SLC25A24: variants seen among roughly 807,000 people sequenced by gnomAD.
SLC25A24 encodes the protein solute carrier family 25 member 24.
A neutral mutation model predicts 60.7 loss-of-function variants in SLC25A24; 49 were observed. The observed-to-expected ratio is 0.81, with a 90% CI of 0.64 to 1.02. The LOEUF (loss-of-function observed/expected upper bound fraction) is 1.02. SLC25A24 is among the 50% of genes least tolerant of loss of function. The pLI is 0.00. For missense variants in SLC25A24, 564 were observed against 586.3 expected (o/e 0.96, Z 0.39); for synonymous variants, 202 against 200.6 (o/e 1.01, Z -0.06).
In SLC25A24 at chr1:108,139,157, C is replaced by T. The variant is rs1377434715; in HGVS notation, c.1150G>A (p.Gly384Arg). ...CCGCATCCCAGCAACACCATGACTC[C>T]AGGGTTTACAGAATCTTTTGCAAAA... ...DNFAKDSVNP[G>R]VMVLLGCGAL... The change falls in exon 9 of 10, where the codon GGA (glycine) becomes AGA (arginine). Residue 384 changes from glycine (G) to arginine (R), a missense_variant. By Grantham distance (125) the Gly-to-Arg change is moderately radical. Transcript: ENST00000565488. The T allele has an allele frequency of 3.1e-6, 5 of 1,609,846 alleles. No individual in the cohort carries two copies. The highest frequency in any genetic ancestry group is 4.2e-6 in the Non-Finnish European group (5 of 1,178,172).
intron 3 of SLC25A24, among the ~76,000 whole-genome samples, chr1:108,169,140 C>T (rs537733340): frequency 6.6e-6 from 1 of 152,280 alleles, no homozygotes; most frequent in South Asian, 2.1e-4. Context: ...GGGTCTGTTT[C>T]TGGGCTCTCT....
In SLC25A24 at chr1:108,148,509, A is replaced by G. The variant is rs574144934; in HGVS notation, c.823-123T>C. 27 of 650,474 alleles carry G rather than the reference A, an allele frequency of 4.2e-5. No homozygotes were observed. The African/African-American group carries it at 4.5e-4, about 11-fold the overall frequency. The allele number at this position is 650,474 out of a possible 1,614,324, so 40.3% of individuals were successfully genotyped here. On this transcript the variant is annotated intron_variant, in intron 6 of 9. Coordinates refer to ENST00000565488, the MANE Select transcript of SLC25A24 (RefSeq NM_013386.5). Reference sequence around the variant, plus strand: ...TGGTATTAGGAGATGAGGCTTCTGGAGGTAATTAGGGTTATGAGGTCATGA... The same window carrying G: ...TGGTATTAGGAGATGAGGCTTCTGGGGGTAATTAGGGTTATGAGGTCATGA...
chr1:108,147,226 T>A (rs1325373577), intron 7 of SLC25A24, among the ~76,000 whole-genome samples: 1 of 152,226 alleles, frequency 6.6e-6, no homozygotes, highest in African/African-American at 2.4e-5. Flanking sequence ...TATTCCCTGA[T>A]GGTAGTTTGC....
chr1:108,140,539 A>G (rs897277816), intron 8 of SLC25A24, among the ~76,000 whole-genome samples: 4 of 152,170 alleles, frequency 2.6e-5, no homozygotes, highest in African/African-American at 9.6e-5. Context: ...TCTAAATTTC[A>G]AAAACAAAAT....
intron 4 of SLC25A24, among the ~76,000 whole-genome samples, chr1:108,159,658 G>T (rs1680002102): frequency 6.6e-6 from 1 of 151,672 alleles, no homozygotes; most frequent in Non-Finnish European, 1.5e-5. Flanking sequence ...TTAGGGAGTG[G>T]TGATGACTCT....
At position 108,187,927 on chromosome 1, in the gene SLC25A24, G is replaced by GATAGATAGATAGATATATATATATATAT; in HGVS notation, c.184-1974_184-1973insATATATATATATATATCTATCTATCTAT. The stretch of plus-strand genomic sequence containing the variant: ...TACACGAAATGGATAAGACATTATA[G>GATAGATAGATAGATATATATATATATAT]ATATATATATATATATATTCATGCA... On this transcript the variant is annotated intron_variant, in intron 1 of 9. Coordinates refer to ENST00000565488, the MANE Select transcript of SLC25A24 (RefSeq NM_013386.5). Among the ~76,000 whole-genome samples the GATAGATAGATAGATATATATATATATAT allele has an allele frequency of 5.6e-3, 532 of 95,744 alleles. 14 individuals are homozygous for GATAGATAGATAGATATATATATATATAT. Among genetic ancestry groups the GATAGATAGATAGATATATATATATATAT allele is most frequent in the Middle Eastern group, 0.013 (2 of 150 alleles). 62.8% of individuals were successfully genotyped at this position (95,744 alleles called of 152,430 possible).
intron 7 of SLC25A24, among the ~76,000 whole-genome samples, chr1:108,144,645 T>C (rs1679537905): frequency 6.6e-6 from 1 of 152,198 alleles, no homozygotes; most frequent in Admixed American, 6.5e-5. Context: ...GTATTCTCAT[T>C]GTTCAACTCC....
In SLC25A24 at chr1:108,134,168, G is replaced by C. The variant is rs1381018963; in HGVS notation, c.*2485C>G. ...GAGCAGATGCTGGCAATTGCACACA[G>C]AGCTGCCTTGTGCAGCTGTGGACAG... is the stretch of plus-strand genomic sequence containing the variant. On this transcript the variant is annotated 3_prime_UTR_variant, in exon 10 of 10. Transcript: ENST00000565488. 1 of 152,232 alleles carries C rather than the reference G, an allele frequency of 6.6e-6. No individual in the cohort carries two copies. The highest frequency in any genetic ancestry group is 1.5e-5 in the Non-Finnish European group (1 of 68,048). The allele number at this position is 152,232 out of a possible 1,614,324, so 9.4% of individuals were successfully genotyped here.
At chr1:108,158,620 A>C (rs1188896328) in intron 4 of SLC25A24, among the ~76,000 whole-genome samples, 1 of 151,496 alleles carries the variant, frequency 6.6e-6, no homozygotes, top group Non-Finnish European at 1.5e-5. Context: ...AGGCATTGTT[A>C]CTAGTGGCAA....
intron 1 of SLC25A24, among the ~76,000 whole-genome samples, chr1:108,188,057 T>G (rs184637456): frequency 6.6e-6 from 1 of 151,530 alleles, no homozygotes; most frequent in African/African-American, 2.4e-5. Context: ...TAAAGAAGAA[T>G]AAAATCACGT....
intron 5 of SLC25A24, among the ~76,000 whole-genome samples, chr1:108,155,950 AACAC>A (rs58815373): frequency 0.36 from 53,819 of 149,018 alleles, 9,972 homozygotes; most frequent in African/African-American, 0.46. Context: ...ACTACCACTA[AACAC>A]ACACACACAC....
intron 2 of SLC25A24, among the ~76,000 whole-genome samples, chr1:108,182,759 G>A (rs1396415803): frequency 6.6e-6 from 1 of 152,070 alleles, no homozygotes; most frequent in Non-Finnish European, 1.5e-5. Flanking sequence ...CTTGAAGCTG[G>A]GAGGCGGAGG....
At chr1:108,159,667 C>A (rs929078924) in intron 4 of SLC25A24, among the ~76,000 whole-genome samples, 1 of 151,774 alleles carries the variant, frequency 6.6e-6, no homozygotes, top group African/African-American at 2.4e-5. Context: ...GGTGATGACT[C>A]TTAACGAGCC....
intron 3 of SLC25A24, among the ~76,000 whole-genome samples, chr1:108,181,307 T>G (rs1647923359): frequency 6.6e-6 from 1 of 152,200 alleles, no homozygotes; most frequent in Non-Finnish European, 1.5e-5. Flanking sequence ...TCCTTTCTGT[T>G]TTACGTTATC....
chr1:108,172,765 G>C (rs11589424), intron 3 of SLC25A24, among the ~76,000 whole-genome samples: 9,970 of 152,226 alleles, frequency 0.065, 458 homozygotes, highest in Middle Eastern at 0.13. Context: ...AAGAAAACAA[G>C]CTGACATTTG....
chr1:108,187,898 A>G (rs971845553), intron 1 of SLC25A24, among the ~76,000 whole-genome samples: 2 of 142,094 alleles, frequency 1.4e-5, no homozygotes, highest in African/African-American at 2.7e-5. Flanking sequence ...ATCAAATCTC[A>G]TAATACACGA....
chr1:108,188,136 A>G (rs963080200), intron 1 of SLC25A24, among the ~76,000 whole-genome samples: 4 of 151,902 alleles, frequency 2.6e-5, no homozygotes, highest in African/African-American at 4.8e-5. Context: ...ATAGAAAACC[A>G]AACACCACAA....
chr1:108,196,085 A>C (rs542447344), intron 1 of SLC25A24, among the ~76,000 whole-genome samples: 1 of 152,226 alleles, frequency 6.6e-6, no homozygotes, highest in East Asian at 1.9e-4. Flanking sequence ...AATGGAGTGA[A>C]ATCCTGATTC....
intron 1 of SLC25A24, among the ~76,000 whole-genome samples, chr1:108,187,946 T>G (rs1290177864): frequency 4.4e-5 from 1 of 22,552 alleles, no homozygotes; most frequent in African/African-American, 1.9e-4. Flanking sequence ...ATATATATAT[T>G]CATGCACTGT....
Sources: gnomAD v4.1 joint callset for allele counts (sites outside exome capture counted in the v4.1 genomes callset) on GRCh38, gnomAD v4.1.1 for gene constraint, MANE v1.5 for transcripts, NCBI Gene and HGNC (gene_info 2026-07-23, HGNC 2026-07-21) for gene names.